The following FAM118A variants were observed in gnomAD, a reference collection of about 807,000 sequenced individuals.
FAM118A encodes the protein SIR2 antiphage like 2, also known as protein FAM118A.
A neutral mutation model predicts 38.2 loss-of-function variants in FAM118A; 25 were observed. That is an observed-to-expected ratio of 0.65 (90% CI 0.48 to 0.91). The LOEUF is 0.91. Among genes scored for constraint, FAM118A ranks in the 40% least tolerant of loss-of-function variants. The probability of loss-of-function intolerance (pLI) is 0.00; values close to 1 mark genes in which losing one functional copy is unlikely to be tolerated. For missense variants in FAM118A, 425 were observed against 463.3 expected (o/e 0.92, Z 0.76); for synonymous variants, 178 against 184.1 (o/e 0.97, Z 0.27).
At chr22:45,340,135 A>G (rs938458027) in intron 8 of FAM118A, among the ~76,000 whole-genome samples, 1 of 152,220 alleles carries the variant, frequency 6.6e-6, no homozygotes, top group Non-Finnish European at 1.5e-5. Context: ...AAGAGCATCC[A>G]TGTTCATGGA....
intron 5 of FAM118A, among the ~76,000 whole-genome samples, chr22:45,332,196 C>T (rs2085767447): frequency 1.3e-5 from 2 of 152,176 alleles, no homozygotes; most frequent in South Asian, 4.1e-4. Context: ...TAGCTGGGGA[C>T]AGGCAGGCTC....
intron 4 of FAM118A, 117 bp from the exon 5 acceptor site, chr22:45,330,486 C>A: frequency 1.7e-6 from 2 of 1,165,438 alleles, no homozygotes; most frequent in Non-Finnish European, 2.3e-6. Flanking sequence ...TGAAGCATCT[C>A]TCGATGATTC....
chr22:45,325,545 T>G (rs1279294905), intron 3 of FAM118A, among the ~76,000 whole-genome samples: 1 of 151,964 alleles, frequency 6.6e-6, no homozygotes. Flanking sequence ...CGGGCCTCAA[T>G]GGGCTTGAAG....
intron 8 of FAM118A, among the ~76,000 whole-genome samples, chr22:45,339,378 G>A (rs2086323045): frequency 1.3e-5 from 2 of 152,152 alleles, no homozygotes; most frequent in South Asian, 2.1e-4. Flanking sequence ...CAGCCTGGGC[G>A]ACAGAGCAAG....
intron 1 of FAM118A, among the ~76,000 whole-genome samples, chr22:45,315,236 A>G (rs2084553211): frequency 1.3e-5 from 2 of 152,356 alleles, no homozygotes; most frequent in East Asian, 1.9e-4. Flanking sequence ...CAGGAATCCA[A>G]TTAACTTATT....
At chr22:45,339,735 TCTG>T (rs1182043066) in intron 8 of FAM118A, among the ~76,000 whole-genome samples, 5 of 152,236 alleles carry the variant, frequency 3.3e-5, no homozygotes, top group Non-Finnish European at 7.3e-5. Context: ...TTGGCTTTCT[TCTG>T]CTGTTGCTGC....
intron 8 of FAM118A, 37 bp from the exon 9 acceptor site, chr22:45,340,349 T>C: frequency 6.2e-7 from 1 of 1,613,666 alleles, no homozygotes; most frequent in Non-Finnish European, 8.5e-7. Context: ...TTAGCTGGAC[T>C]TTAACCCTTG....
chr22:45,313,588 G>T (rs549935912), intron 1 of FAM118A, among the ~76,000 whole-genome samples: 1 of 152,298 alleles, frequency 6.6e-6, no homozygotes, highest in African/African-American at 2.4e-5. Context: ...CTCCCAAAGT[G>T]CTGGGATTAC....
At chr22:45,334,152 T>G (rs376429602) in intron 6 of FAM118A, among the ~76,000 whole-genome samples, 28 of 152,356 alleles carry the variant, frequency 1.8e-4, no homozygotes, top group African/African-American at 6.5e-4. Flanking sequence ...TTTTGAGAAA[T>G]TGCTCATCTA....
chr22:45,338,507 G>A (rs968184932), intron 8 of FAM118A, among the ~76,000 whole-genome samples: 3 of 152,204 alleles, frequency 2.0e-5, no homozygotes, highest in Non-Finnish European at 2.9e-5. Flanking sequence ...GATTATAGGC[G>A]TGAGCCACTG....
intron 5 of FAM118A, among the ~76,000 whole-genome samples, chr22:45,330,946 G>A (rs940911035): frequency 2.0e-4 from 30 of 152,188 alleles, no homozygotes; most frequent in African/African-American, 6.5e-4. Flanking sequence ...GATGCTTGGC[G>A]AACATTTGTT....
At chr22:45,323,516 C>T in intron 3 of FAM118A, 89 bp downstream of exon 3, 2 of 1,514,930 alleles carry the variant, frequency 1.3e-6, no homozygotes, top group Non-Finnish European at 1.8e-6. Context: ...CTCTGCAGGC[C>T]TAACTTGTGT....
At chr22:45,323,557 C>A in intron 3 of FAM118A, 130 bp downstream of exon 3, 1 of 1,213,228 alleles carries the variant, frequency 8.2e-7, no homozygotes, top group Non-Finnish European at 1.1e-6. Flanking sequence ...GCTGATGAGC[C>A]AGAAATCCTT....
chr22:45,320,575 A>G (rs2084818970), intron 1 of FAM118A, among the ~76,000 whole-genome samples: 1 of 152,066 alleles, frequency 6.6e-6, no homozygotes, highest in Non-Finnish European at 1.5e-5. Flanking sequence ...AGCTGGGACT[A>G]CAGATGAGCA....
intron 7 of FAM118A, 66 bp from the exon 8 acceptor site, chr22:45,336,259 CATT>C: frequency 1.5e-6 from 2 of 1,291,058 alleles, no homozygotes; most frequent in South Asian, 1.3e-5. Context: ...AGTAAGGTCA[CATT>C]ATGAACTGTG....
intron 4 of FAM118A, chr22:45,329,482 A>C (rs975614371): frequency 6.6e-6 from 1 of 152,254 alleles, no homozygotes; most frequent in African/African-American, 2.4e-5. Context: ...GCGTAGTTTC[A>C]TGTGACTCTT....
intron 4 of FAM118A, chr22:45,330,347 A>G: frequency 4.2e-6 from 1 of 236,884 alleles, no homozygotes; most frequent in Non-Finnish European, 8.1e-6. Context: ...CTATCATGGG[A>G]CCAGCATGAC....
chr22:45,325,824 A>G (rs2085223376), intron 3 of FAM118A, among the ~76,000 whole-genome samples: 1 of 152,132 alleles, frequency 6.6e-6, no homozygotes, highest in African/African-American at 2.4e-5. Flanking sequence ...CTCAGCCCTC[A>G]CCTTCATCGG....
intron 1 of FAM118A, among the ~76,000 whole-genome samples, chr22:45,311,550 A>C (rs1293124077): frequency 2.0e-5 from 3 of 152,146 alleles, no homozygotes; most frequent in Non-Finnish European, 4.4e-5. Flanking sequence ...TGGGAGTGAC[A>C]AGAAAGAGGG....
Sources: allele counts gnomAD v4.1 joint callset (sites outside exome capture counted in the v4.1 genomes callset), GRCh38; gene constraint gnomAD v4.1.1; transcripts MANE v1.5; gene names NCBI Gene and HGNC (gene_info 2026-07-23, HGNC 2026-07-21).